The following KDM4C variants were observed in gnomAD, a reference collection of about 807,000 sequenced individuals.
The protein encoded by KDM4C is lysine-specific demethylase 4C.
KDM4C carries 81 observed loss-of-function variants against 129.3 expected under a neutral mutation model. The observed-to-expected ratio is 0.63, with a 90% CI of 0.52 to 0.75. The LOEUF (loss-of-function observed/expected upper bound fraction) is 0.75. Ranked by LOEUF, KDM4C falls within the 30% of genes least tolerant of loss-of-function variation. The pLI, the probability that KDM4C is intolerant of heterozygous loss-of-function variation, is 0.00. For synonymous variants in KDM4C, 573 were observed against 456.1 expected (o/e 1.26, Z -3.26); for missense variants, 1,457 against 1,304.0 (o/e 1.12, Z -1.81).
intron 18 of KDM4C, among the ~76,000 whole-genome samples, chr9:7,125,995 C>T (rs1221536224): frequency 6.6e-6 from 1 of 152,174 alleles, no homozygotes; most frequent in Non-Finnish European, 1.5e-5. Context: ...GAAAGGGGAA[C>T]GGGGACTATA....
chr9:6,744,343 G>C (rs1452139660), intron 1 of KDM4C, among the ~76,000 whole-genome samples: 2 of 152,016 alleles, frequency 1.3e-5, no homozygotes, highest in Admixed American at 6.6e-5. Flanking sequence ...GGCTAACATG[G>C]TGAAACCGCA....
chr9:6,953,214 C>A (rs371072777), intron 8 of KDM4C, among the ~76,000 whole-genome samples: 2 of 152,190 alleles, frequency 1.3e-5, no homozygotes, highest in South Asian at 4.1e-4. Flanking sequence ...ATCTCCCTTT[C>A]ACTCAAACAA....
rs1831810031 is a variant in KDM4C, at chr9:6,814,929, A to T, written c.435+184A>T. 7.0e-6 allele frequency: 3 copies of T among 425,768 alleles called. No homozygotes were observed. The South Asian group carries it at 2.1e-4, about 30-fold the overall frequency. The allele number at this position is 425,768 out of a possible 1,614,324, so 26.4% of individuals were successfully genotyped here. A position where few individuals can be genotyped will look rare whatever the true frequency, so the allele number is the denominator to read the frequency against. On this transcript the variant is annotated intron_variant, in intron 4 of 21. Coordinates refer to ENST00000381309, the MANE Select transcript of KDM4C (RefSeq NM_015061.6). The stretch of plus-strand genomic sequence containing the variant: ...GGTATTTTTCAAACTGAAGCTAGAT[A>T]ATCGTACAAATACCTGAAATTGTTC...
chr9:7,021,234 C>T (rs1352118852), intron 15 of KDM4C, among the ~76,000 whole-genome samples: 1 of 151,886 alleles, frequency 6.6e-6, no homozygotes, highest in Non-Finnish European at 1.5e-5. Flanking sequence ...TCACTGCAAC[C>T]TCTGCCTCCC....
intron 12 of KDM4C, among the ~76,000 whole-genome samples, chr9:6,992,600 C>G (rs1818953729): frequency 6.6e-6 from 1 of 152,154 alleles, no homozygotes; most frequent in Non-Finnish European, 1.5e-5. Context: ...TCATTGGGAA[C>G]TTGAATGTTA....
chr9:7,109,676 C>T (rs1465360365), intron 18 of KDM4C, among the ~76,000 whole-genome samples: 1 of 152,196 alleles, frequency 6.6e-6, no homozygotes, highest in Non-Finnish European at 1.5e-5. Flanking sequence ...TAAACATCAT[C>T]ATGGTTTGTA....
chr9:6,744,957 C>T (rs936578754), intron 1 of KDM4C, among the ~76,000 whole-genome samples: 9 of 152,222 alleles, frequency 5.9e-5, no homozygotes, highest in African/African-American at 2.2e-4. Context: ...TGGAGGTGCA[C>T]GGCCAGCCCT....
chr9:6,886,005 A>G (rs1479063856), intron 6 of KDM4C, among the ~76,000 whole-genome samples: 1 of 152,200 alleles, frequency 6.6e-6, no homozygotes, highest in Non-Finnish European at 1.5e-5. Context: ...TTAATTTAAA[A>G]CTTAATTCAT....
At chr9:7,042,566 G>C (rs1828770378) in intron 15 of KDM4C, among the ~76,000 whole-genome samples, 1 of 151,974 alleles carries the variant, frequency 6.6e-6, no homozygotes, top group African/African-American at 2.4e-5. Flanking sequence ...TTTTGAAAAG[G>C]AGTTCTTGAT....
chr9:7,014,557 A>G (rs1007497633), intron 14 of KDM4C, among the ~76,000 whole-genome samples: 7 of 152,272 alleles, frequency 4.6e-5, no homozygotes, highest in Non-Finnish European at 1.0e-4. Flanking sequence ...CAATTGGATA[A>G]GTGGTAAATA....
intron 8 of KDM4C, among the ~76,000 whole-genome samples, chr9:6,921,490 C>G (rs913530903): frequency 6.6e-6 from 1 of 152,192 alleles, no homozygotes; most frequent in Non-Finnish European, 1.5e-5. Flanking sequence ...ATCACACACC[C>G]AATCAATTCT....
chr9:7,056,169 C>G (rs1830835612), intron 17 of KDM4C, among the ~76,000 whole-genome samples: 1 of 152,028 alleles, frequency 6.6e-6, no homozygotes, highest in Non-Finnish European at 1.5e-5. Flanking sequence ...GAATAGTGAA[C>G]TATTCTAAAG....
intron 9 of KDM4C, among the ~76,000 whole-genome samples, chr9:6,983,682 A>T (rs1440752284): frequency 6.6e-6 from 1 of 152,076 alleles, no homozygotes; most frequent in African/African-American, 2.4e-5. Flanking sequence ...AACTATTTTC[A>T]TACATACCTG....
chr9:6,808,690 TAAAAAAAA>T (rs908471656), intron 3 of KDM4C, among the ~76,000 whole-genome samples: 1 of 63,842 alleles, frequency 1.6e-5, no homozygotes, highest in South Asian at 4.7e-4. Context: ...GAATTATCAA[TAAAAAAAA>T]AAAAAAAAAA....
chr9:6,843,305 C>T (rs758266123), intron 4 of KDM4C, among the ~76,000 whole-genome samples: 3 of 152,144 alleles, frequency 2.0e-5, no homozygotes, highest in East Asian at 1.9e-4. Context: ...TCGAGGTGCC[C>T]CTCTAAAAAG....
chr9:6,822,117 T>A lies in KDM4C; in HGVS notation c.435+7372T>A, dbSNP rs549194165. 2.0e-5 allele frequency among the ~76,000 whole-genome samples: 3 copies of A among 152,320 alleles called. No individual in the cohort carries two copies. The South Asian group carries it at 6.2e-4, about 32-fold the overall frequency. The stretch of plus-strand genomic sequence containing the variant: ...GGCGAATCCAGCCTTTGGGTATATA[T>A]TGAAGAGCAGGGTTTGGCTGTCAAG... On this transcript the variant is annotated intron_variant, in intron 4 of 21. Coordinates refer to ENST00000381309, the MANE Select transcript of KDM4C (RefSeq NM_015061.6).
At chr9:7,131,705 C>G (rs2133375029) in intron 19 of KDM4C, among the ~76,000 whole-genome samples, 1 of 152,246 alleles carries the variant, frequency 6.6e-6, no homozygotes, top group South Asian at 2.1e-4. Flanking sequence ...GAACTGTTGT[C>G]TGGGAGATGG....
chr9:6,793,080 A>C lies in KDM4C; in HGVS notation c.92A>C (p.Lys31Thr), dbSNP rs760049300. 1 of 1,614,114 alleles carries C rather than the reference A, an allele frequency of 6.2e-7. No homozygotes were observed. The highest frequency in any genetic ancestry group is 8.5e-7 in the Non-Finnish European group (1 of 1,180,006). The change falls in exon 2 of 22, where the codon AAA (lysine) becomes ACA (threonine). Residue 31 changes from lysine (K) to threonine (T), a missense_variant. Coordinates refer to ENST00000381309, the MANE Select transcript of KDM4C (RefSeq NM_015061.6). ...ATGGAGGAGTTCCGGGAGTTCAACA[A>C]ATACCTTGCATACATGGAGTCTAAA... ...PSMEEFREFN[K>T]YLAYMESKGA...
intron 15 of KDM4C, among the ~76,000 whole-genome samples, chr9:7,021,015 T>G (rs1209983764): frequency 2.0e-5 from 3 of 151,774 alleles, no homozygotes; most frequent in African/African-American, 4.8e-5. Flanking sequence ...ATCCTCCTAG[T>G]CTCTGGCTTC....
Sources: allele counts gnomAD v4.1 joint callset (sites outside exome capture counted in the v4.1 genomes callset), GRCh38; gene constraint gnomAD v4.1.1; transcripts MANE v1.5; gene names NCBI Gene and HGNC (gene_info 2026-07-23, HGNC 2026-07-21).